Variants in ZNF652 observed in about 807,000 individuals in gnomAD.
The protein encoded by ZNF652 is zinc finger protein 652.
A neutral mutation model predicts 45.2 loss-of-function variants in ZNF652; 16 were observed. The ratio of observed to expected loss-of-function variants is 0.35; its 90% CI spans 0.24 to 0.54. The LOEUF (loss-of-function observed/expected upper bound fraction) is 0.54, where lower values mean the gene tolerates loss of function less well. Ranked by LOEUF, ZNF652 falls within the 20% of genes least tolerant of loss-of-function variation. The pLI, the probability that ZNF652 is intolerant of heterozygous loss-of-function variation, is 0.91. For missense variants in ZNF652, 614 were observed against 765.6 expected (o/e 0.80, Z 2.34); for synonymous variants, 250 against 260.6 (o/e 0.96, Z 0.39).
At chr17:49,356,243 T>C (rs1237553079) in intron 1 of ZNF652, among the ~76,000 whole-genome samples, 1 of 151,626 alleles carries the variant, frequency 6.6e-6, no homozygotes, top group Non-Finnish European at 1.5e-5. Context: ...CTGGCTAACA[T>C]GGCGAAATCC....
In ZNF652 at chr17:49,362,226, G is replaced by A. The variant is rs947179386; in HGVS notation, c.-576C>T. 1 of 150,638 alleles carries A rather than the reference G, an allele frequency of 6.6e-6. No homozygotes were observed. Among genetic ancestry groups the A allele is most frequent in the African/African-American group, 2.4e-5 (1 of 41,144 alleles). The allele number at this position is 150,638 out of a possible 1,614,324, so 9.3% of individuals were successfully genotyped here. A position where few individuals can be genotyped will look rare whatever the true frequency, so the allele number is the denominator to read the frequency against. Reference sequence around the variant, plus strand: ...GTGTGCGTGTGTGGATGTGTGTGCCGGAGGGGGCAGGGAGGGAGGCGAGCG... The same window carrying A: ...GTGTGCGTGTGTGGATGTGTGTGCCAGAGGGGGCAGGGAGGGAGGCGAGCG... On this transcript the variant is annotated 5_prime_UTR_variant, in exon 1 of 6. Coordinates refer to ENST00000430262, the MANE Select transcript of ZNF652 (RefSeq NM_001145365.3).
At chr17:49,321,422 C>CTTTTTTTTTTT (rs11350404) in intron 1 of ZNF652, among the ~76,000 whole-genome samples, 594 of 73,308 alleles carry the variant, frequency 8.1e-3, no homozygotes, top group African/African-American at 9.3e-3. Context: ...CACCACCACG[C>CTTTTTTTTTTT]TTTTTTTTTT....
intron 1 of ZNF652, among the ~76,000 whole-genome samples, chr17:49,335,507 A>C (rs938509011): frequency 6.6e-6 from 1 of 152,052 alleles, no homozygotes; most frequent in African/African-American, 2.4e-5. Context: ...CCAACTTTTC[A>C]ATATTAAGGG....
chr17:49,355,301 T>G (rs544705049), intron 1 of ZNF652, among the ~76,000 whole-genome samples: 1 of 152,132 alleles, frequency 6.6e-6, no homozygotes, highest in African/African-American at 2.4e-5. Flanking sequence ...AGAAAAAAAT[T>G]TGTCTGGGCA....
chr17:49,342,901 T>G (rs1345662751), intron 1 of ZNF652, among the ~76,000 whole-genome samples: 3 of 151,626 alleles, frequency 2.0e-5, no homozygotes, highest in African/African-American at 4.8e-5. Context: ...TTTTTTTTTT[T>G]GGCAGACTCT....
At chr17:49,320,218 T>C in intron 1 of ZNF652, among the ~76,000 whole-genome samples, 1 of 152,240 alleles carries the variant, frequency 6.6e-6, no homozygotes, top group East Asian at 1.9e-4. Context: ...CCTATGCTAA[T>C]CCTTTGTCTT....
intron 1 of ZNF652, among the ~76,000 whole-genome samples, chr17:49,338,904 G>A (rs2070112962): frequency 1.3e-5 from 2 of 152,128 alleles, no homozygotes; most frequent in African/African-American, 2.4e-5. Flanking sequence ...CAGAAGCCAA[G>A]AGATTAAAAA....
intron 1 of ZNF652, among the ~76,000 whole-genome samples, chr17:49,318,593 G>T (rs1356292065): frequency 5.3e-5 from 8 of 152,140 alleles, no homozygotes; most frequent in Non-Finnish European, 1.0e-4. Flanking sequence ...AAATAATATT[G>T]CACAGCATTC....
intron 2 of ZNF652, 69 bp from the exon 3 acceptor site, chr17:49,312,914 C>A: frequency 1.3e-6 from 2 of 1,502,416 alleles, no homozygotes; most frequent in South Asian, 2.5e-5. Flanking sequence ...ACTGGCAGAC[C>A]AAACGGATGT....
At chr17:49,322,988 T>C (rs2069914714) in intron 1 of ZNF652, among the ~76,000 whole-genome samples, 3 of 152,332 alleles carry the variant, frequency 2.0e-5, no homozygotes. Context: ...TGATGGCTTC[T>C]GCATGATCAG....
chr17:49,298,652 G>A lies in ZNF652; in HGVS notation c.1582C>T (p.Pro528Ser), dbSNP rs747962354. 9.3e-6 allele frequency: 15 copies of A among 1,613,846 alleles called. No individual in the cohort carries two copies. Among genetic ancestry groups the A allele is most frequent in the Non-Finnish European group, 1.3e-5 (15 of 1,180,014 alleles). ...CTTACAGGATTCATATTGATTGGAG[G>A]GGTTGGGGTTGTGGCTGTGTTCACC... ...SVVNTATTPT[P>S]PINMNPVSTL... is the part of the protein sequence containing the mutation. Residue 528 changes from proline to serine, a missense_variant, in exon 6 of 6, where the codon CCT (proline) becomes TCT (serine). By Grantham distance (74) the Pro-to-Ser change is moderately conservative (BLOSUM62 -1). Coordinates refer to ENST00000430262, the MANE Select transcript of ZNF652 (RefSeq NM_001145365.3).
At chr17:49,329,978 G>A (rs566804602) in intron 1 of ZNF652, among the ~76,000 whole-genome samples, 2 of 152,262 alleles carry the variant, frequency 1.3e-5, no homozygotes, top group African/African-American at 2.4e-5. Context: ...TACTAATTAA[G>A]CTATACCACA....
At chr17:49,329,336 T>C (rs554445690) in intron 1 of ZNF652, among the ~76,000 whole-genome samples, 1 of 152,332 alleles carries the variant, frequency 6.6e-6, no homozygotes, top group African/African-American at 2.4e-5. Flanking sequence ...AAACAAAATT[T>C]ACATTGAAAA....
chr17:49,322,487 T>C (rs1007379892), intron 1 of ZNF652: 1 of 152,226 alleles, frequency 6.6e-6, no homozygotes, highest in Admixed American at 6.5e-5. Context: ...CTCAGAGATA[T>C]TGCCGGTTCG....
chr17:49,326,597 C>T (rs1044968182), intron 1 of ZNF652, among the ~76,000 whole-genome samples: 3 of 152,192 alleles, frequency 2.0e-5, no homozygotes, highest in Non-Finnish European at 2.9e-5. Context: ...ATGTGAACTA[C>T]TCCTCAGGGG....
At position 49,354,244 on chromosome 17, in the gene ZNF652, T is replaced by TAG. The variant is rs2070311092; in HGVS notation, c.-259+7663_-259+7664dup. Reference sequence around the variant, plus strand: ...CTCAAAGAACCAAATTATATTCTATTAGAGCAGGGTAAGACACACATTAAG... The same window carrying TAG: ...CTCAAAGAACCAAATTATATTCTATTAGAGAGCAGGGTAAGACACACATTAAG... On this transcript the variant is annotated intron_variant, in intron 1 of 5. Coordinates refer to ENST00000430262, the MANE Select transcript of ZNF652 (RefSeq NM_001145365.3). 5.3e-5 allele frequency among the ~76,000 whole-genome samples: 8 copies of TAG among 152,150 alleles called. No homozygotes were observed. In the South Asian group the frequency reaches 1.7e-3, roughly 32 times the overall value.
At chr17:49,343,482 A>T (rs2070170521) in intron 1 of ZNF652, among the ~76,000 whole-genome samples, 1 of 152,204 alleles carries the variant, frequency 6.6e-6, no homozygotes. Context: ...CCTGGCTTGC[A>T]GACAAATGAG....
chr17:49,322,695 C>T (rs560498399), intron 1 of ZNF652, among the ~76,000 whole-genome samples: 21 of 152,062 alleles, frequency 1.4e-4, no homozygotes, highest in Non-Finnish European at 2.5e-4. Flanking sequence ...ACCATCCTGG[C>T]TAACATGGTG....
At chr17:49,346,069 C>G (rs952132843) in intron 1 of ZNF652, among the ~76,000 whole-genome samples, 1 of 152,174 alleles carries the variant, frequency 6.6e-6, no homozygotes, top group African/African-American at 2.4e-5. Flanking sequence ...AAGTGTAGTA[C>G]AACAGATAGG....
Sources: gnomAD v4.1 joint callset for allele counts (sites outside exome capture counted in the v4.1 genomes callset) on GRCh38, gnomAD v4.1.1 for gene constraint, MANE v1.5 for transcripts, NCBI Gene and HGNC (gene_info 2026-07-23, HGNC 2026-07-21) for gene names.